The following TFEC variants were observed in gnomAD, a reference collection of about 807,000 sequenced individuals.
TFEC encodes the protein transcription factor EC, also known as class E basic helix-loop-helix protein 34.
In TFEC, 31 loss-of-function variants were observed where a neutral mutation model predicts 41.6. The ratio of observed to expected loss-of-function variants is 0.74; its 90% CI spans 0.56 to 1.01. The LOEUF is 1.01. Among genes scored for constraint, TFEC ranks in the 50% least tolerant of loss-of-function variants. The pLI is 0.00. For missense variants in TFEC, 402 were observed against 404.1 expected (o/e 0.99, Z 0.04); for synonymous variants, 143 against 140.6 (o/e 1.02, Z -0.12).
At chr7:115,979,927 T>C (rs989369281) in intron 2 of TFEC, among the ~76,000 whole-genome samples, 1 of 152,176 alleles carries the variant, frequency 6.6e-6, no homozygotes, top group African/African-American at 2.4e-5. Context: ...CATCTGTTCA[T>C]GTAGCATGAA....
intron 3 of TFEC, among the ~76,000 whole-genome samples, chr7:116,045,279 T>C (rs1345102460): frequency 1.3e-5 from 2 of 152,248 alleles, no homozygotes; most frequent in African/African-American, 4.8e-5. Flanking sequence ...GTGACTCTTG[T>C]TATATTTTAG....
intron 1 of TFEC, among the ~76,000 whole-genome samples, chr7:116,029,707 T>C (rs1473236044): frequency 1.3e-5 from 2 of 151,956 alleles, no homozygotes; most frequent in East Asian, 1.9e-4. Flanking sequence ...AGCATATATA[T>C]ATGTATGTAC....
intron 2 of TFEC, among the ~76,000 whole-genome samples, chr7:115,979,130 G>A (rs1240424774): frequency 6.6e-6 from 1 of 152,088 alleles, no homozygotes; most frequent in Non-Finnish European, 1.5e-5. Flanking sequence ...ACTCCCAGCT[G>A]TTCCCTATCC....
At chr7:116,005,214 C>T (rs143396005) in intron 1 of TFEC, among the ~76,000 whole-genome samples, 15,386 of 152,130 alleles carry the variant, frequency 0.1, 1,129 homozygotes, top group East Asian at 0.38. Flanking sequence ...AAAAGATACC[C>T]AAAAATGTGG....
intron 1 of TFEC, among the ~76,000 whole-genome samples, chr7:116,005,854 C>G (rs1037330914): frequency 6.6e-6 from 1 of 152,284 alleles, no homozygotes; most frequent in East Asian, 1.9e-4. Context: ...CCCAGGGTCC[C>G]CATGCTGTAT....
intron 3 of TFEC, among the ~76,000 whole-genome samples, chr7:116,069,213 T>C (rs1796767999): frequency 1.3e-5 from 2 of 151,534 alleles, no homozygotes; most frequent in South Asian, 2.1e-4. Flanking sequence ...CAAAATTGAT[T>C]AGAAGAATAG....
At position 115,940,768 on chromosome 7, in the gene TFEC, C is replaced by T; in HGVS notation, c.827G>A (p.Cys276Tyr). The part of the protein sequence containing the change: ...TVSQGPSPEL[C>Y]DQAIAFSDPL... ...ATCAGAAAAGGCTATAGCTTGATCA[C>T]AGAGCTCAGGGCTTGGCCCCTGAGA... is the stretch of plus-strand genomic sequence containing the variant. The change falls in exon 8 of 8, where the codon TGT becomes TAT. Residue 276 changes from cysteine (C) to tyrosine (Y), a missense_variant. Cys to Tyr is a radical substitution (Grantham distance 194). Transcript: ENST00000265440. 1 of 1,613,488 alleles carries T rather than the reference C, an allele frequency of 6.2e-7. No individual in the cohort carries two copies. Among genetic ancestry groups the T allele is most frequent in the Non-Finnish European group, 8.5e-7 (1 of 1,179,640 alleles).
At chr7:116,041,433 C>A (rs1584439378) in intron 3 of TFEC, among the ~76,000 whole-genome samples, 1 of 152,104 alleles carries the variant, frequency 6.6e-6, no homozygotes, top group East Asian at 1.9e-4. Flanking sequence ...ATTTCACTTA[C>A]ATATGTTATG....
At chr7:116,050,343 T>C (rs571550183) in intron 3 of TFEC, among the ~76,000 whole-genome samples, 48 of 152,316 alleles carry the variant, frequency 3.2e-4, no homozygotes, top group African/African-American at 1.1e-3. Context: ...CATCAGAGAA[T>C]ACTATAAACA....
chr7:116,136,949 G>C (rs1214161266), intron 1 of TFEC, among the ~76,000 whole-genome samples: 1 of 151,954 alleles, frequency 6.6e-6, no homozygotes, highest in East Asian at 1.9e-4. Flanking sequence ...TCTCAATGAA[G>C]TAATTTTCAA....
chr7:115,944,808 C>A (rs996240162), intron 6 of TFEC, among the ~76,000 whole-genome samples: 1 of 151,230 alleles, frequency 6.6e-6, no homozygotes. Flanking sequence ...ATAAGAAATA[C>A]GCTTTATATA....
chr7:115,955,817 T>G (rs1792193709), intron 4 of TFEC, among the ~76,000 whole-genome samples: 1 of 152,038 alleles, frequency 6.6e-6, no homozygotes, highest in South Asian at 2.1e-4. Context: ...TATTTAAAAC[T>G]ATAGTCATTA....
chr7:115,978,506 C>G (rs1031951758), intron 2 of TFEC, among the ~76,000 whole-genome samples: 11 of 152,248 alleles, frequency 7.2e-5, no homozygotes, highest in African/African-American at 2.2e-4. Flanking sequence ...ACTGGCAGAT[C>G]ACCTGAACAA....
chr7:116,022,160 A>G (rs777202865), intron 1 of TFEC, among the ~76,000 whole-genome samples: 3 of 152,164 alleles, frequency 2.0e-5, no homozygotes, highest in East Asian at 1.9e-4. Flanking sequence ...TGGGCTCACC[A>G]TATTTTTGGA....
chr7:116,132,606 G>A (rs932505815), intron 1 of TFEC, among the ~76,000 whole-genome samples: 1 of 152,160 alleles, frequency 6.6e-6, no homozygotes, highest in Non-Finnish European at 1.5e-5. Flanking sequence ...TTGGTGCCAC[G>A]GCCTTCATTC....
intron 6 of TFEC, among the ~76,000 whole-genome samples, chr7:115,947,083 A>G (rs955733449): frequency 1.4e-5 from 1 of 71,446 alleles, no homozygotes; most frequent in East Asian, 5.1e-4. Flanking sequence ...CCCCCACCCC[A>G]CAACAGTCCC....
At chr7:116,005,701 A>T (rs1310996417) in intron 1 of TFEC, among the ~76,000 whole-genome samples, 1 of 152,214 alleles carries the variant, frequency 6.6e-6, no homozygotes, top group East Asian at 1.9e-4. Flanking sequence ...GGCTGTAGAA[A>T]TTTGCATAAC....
In TFEC at chr7:116,147,884, T is replaced by C. The variant is rs542774280; in HGVS notation, c.-69+11906A>G. 3.3e-5 allele frequency among the ~76,000 whole-genome samples: 5 copies of C among 152,234 alleles called. No homozygotes were observed. The East Asian group carries it at 7.7e-4, about 23-fold the overall frequency. ...GATGAGAATCCATCAGTGGATAAAA[T>C]AGACAAAAAATATTCCTGCTCCACT... is the stretch of plus-strand genomic sequence containing the variant. On this transcript the variant is annotated intron_variant, in intron 1 of 8. Coordinates refer to the TFEC transcript ENST00000484212.
At chr7:115,954,990 T>C (rs943264854) in intron 4 of TFEC, among the ~76,000 whole-genome samples, 1 of 152,120 alleles carries the variant, frequency 6.6e-6, no homozygotes, top group Middle Eastern at 3.4e-3. Context: ...AAAAGAAATA[T>C]AGTATACAGA....
Sources: allele counts gnomAD v4.1 joint callset (sites outside exome capture counted in the v4.1 genomes callset), GRCh38; gene constraint gnomAD v4.1.1; transcripts MANE v1.5; gene names NCBI Gene and HGNC (gene_info 2026-07-23, HGNC 2026-07-21).